Variants in TMEM196 observed in about 807,000 individuals in gnomAD.
The protein encoded by TMEM196 is transmembrane protein 196.
Under a neutral mutation model 20.0 loss-of-function variants are expected in TMEM196, and 17 were observed. The observed-to-expected ratio is 0.85, with a 90% CI of 0.58 to 1.27. TMEM196 has a LOEUF of 1.27. Ranked by LOEUF, TMEM196 falls within the 50% of genes most tolerant of loss-of-function variation. The probability of loss-of-function intolerance (pLI) is 0.00; values close to 1 mark genes in which losing one functional copy is unlikely to be tolerated. For missense variants in TMEM196, 267 were observed against 223.0 expected, an observed-to-expected ratio of 1.20 and a Z score of -1.26; for synonymous variants, 113 against 88.9, an observed-to-expected ratio of 1.27 and a Z score of -1.52.
In TMEM196 at chr7:19,736,773, A is replaced by G. The variant is rs139968775; in HGVS notation, c.148-7335T>C. Among the ~76,000 whole-genome samples, 319 of 152,092 alleles carry G rather than the reference A, an allele frequency of 2.1e-3. 2 individuals carry two copies. The highest frequency in any genetic ancestry group is 7.2e-3 in the African/African-American group (300 of 41,566). On this transcript the variant is annotated intron_variant, in intron 1 of 4. Transcript: ENST00000405844. Reference sequence around the variant, plus strand: ...TCTTCAAGGGAGAAACATGGAGTCAATGTTCAAAACATAAGGTCAAAGAGT... The same window carrying G: ...TCTTCAAGGGAGAAACATGGAGTCAGTGTTCAAAACATAAGGTCAAAGAGT...
intron 1 of TMEM196, among the ~76,000 whole-genome samples, chr7:19,744,418 C>G (rs1052497994): frequency 2.4e-4 from 36 of 152,196 alleles, no homozygotes; most frequent in African/African-American, 8.4e-4. Flanking sequence ...CTTAAAGAAG[C>G]AAAAAGATTA....
chr7:19,755,216 A>AT (rs1263797369), intron 1 of TMEM196, among the ~76,000 whole-genome samples: 1 of 152,198 alleles, frequency 6.6e-6, no homozygotes, highest in African/African-American at 2.4e-5. Flanking sequence ...TTTAATGCAT[A>AT]TTTTAACACT....
At chr7:19,743,017 C>T (rs1319875618) in intron 1 of TMEM196, among the ~76,000 whole-genome samples, 3 of 152,140 alleles carry the variant, frequency 2.0e-5, no homozygotes, top group Non-Finnish European at 4.4e-5. Flanking sequence ...TCTCCATTAG[C>T]TATGGGGAGA....
chr7:19,728,826 G>GA (rs1209822536), intron 2 of TMEM196, among the ~76,000 whole-genome samples: 1 of 152,138 alleles, frequency 6.6e-6, no homozygotes, highest in African/African-American at 2.4e-5. Flanking sequence ...CCATACCCCA[G>GA]AAACCCACTA....
At chr7:19,750,874 C>T (rs1419985286) in intron 1 of TMEM196, among the ~76,000 whole-genome samples, 1 of 152,010 alleles carries the variant, frequency 6.6e-6, no homozygotes, top group Non-Finnish European at 1.5e-5. Flanking sequence ...GTTGTAATTC[C>T]CCAACGCTAT....
intron 1 of TMEM196, among the ~76,000 whole-genome samples, chr7:19,771,564 T>C (rs1785883359): frequency 6.6e-6 from 1 of 152,234 alleles, no homozygotes; most frequent in Non-Finnish European, 1.5e-5. Flanking sequence ...TGCTACAGAT[T>C]ATCAGTGACA....
intron 1 of TMEM196, among the ~76,000 whole-genome samples, chr7:19,739,652 T>C (rs1257279846): frequency 6.6e-6 from 1 of 151,946 alleles, no homozygotes; most frequent in Non-Finnish European, 1.5e-5. Context: ...TAAAAACTAA[T>C]AAGGAAAAGA....
chr7:19,758,654 C>T (rs2128035845), intron 1 of TMEM196, among the ~76,000 whole-genome samples: 1 of 152,254 alleles, frequency 6.6e-6, no homozygotes, highest in African/African-American at 2.4e-5. Flanking sequence ...CATTGCATGA[C>T]TCAATTATAA....
At chr7:19,765,572 A>G (rs533680777) in intron 1 of TMEM196, among the ~76,000 whole-genome samples, 1 of 152,204 alleles carries the variant, frequency 6.6e-6, no homozygotes, top group Non-Finnish European at 1.5e-5. Context: ...ATGTTTTTTG[A>G]ATACTTTGTT....
At chr7:19,730,738 G>T (rs754106627) in intron 1 of TMEM196, among the ~76,000 whole-genome samples, 1 of 152,162 alleles carries the variant, frequency 6.6e-6, no homozygotes, top group Non-Finnish European at 1.5e-5. Flanking sequence ...AAGAAAATCT[G>T]TTAAAAAGCA....
chr7:19,723,949 A>G (rs1252937417), intron 4 of TMEM196, among the ~76,000 whole-genome samples: 2 of 152,122 alleles, frequency 1.3e-5, no homozygotes, highest in South Asian at 2.1e-4. Context: ...ATTATTAAAA[A>G]CAAAACTCTG....
At chr7:19,762,567 T>C (rs1390328056) in intron 1 of TMEM196, among the ~76,000 whole-genome samples, 1 of 152,202 alleles carries the variant, frequency 6.6e-6, no homozygotes, top group African/African-American at 2.4e-5. Flanking sequence ...ATTTACATCA[T>C]TTTGCTTATA....
At chr7:19,768,953 AT>A (rs1420635835) in intron 1 of TMEM196, among the ~76,000 whole-genome samples, 1 of 152,190 alleles carries the variant, frequency 6.6e-6, no homozygotes, top group Non-Finnish European at 1.5e-5. Flanking sequence ...AAAAATCAAA[AT>A]GCAGCAGTTG....
chr7:19,751,383 A>T (rs1476219994), intron 1 of TMEM196, among the ~76,000 whole-genome samples: 1 of 152,244 alleles, frequency 6.6e-6, no homozygotes, highest in Non-Finnish European at 1.5e-5. Context: ...TGCTCTTTAG[A>T]ACCAAGGCTT....
At chr7:19,746,090 G>A (rs1784741242) in intron 1 of TMEM196, among the ~76,000 whole-genome samples, 1 of 152,068 alleles carries the variant, frequency 6.6e-6, no homozygotes, top group Non-Finnish European at 1.5e-5. Context: ...ACCTACCTGG[G>A]AAATTGGGGT....
At chr7:19,729,275 C>CCAA in intron 2 of TMEM196, 107 bp downstream of exon 2, 1 of 708,816 alleles carries the variant, frequency 1.4e-6, no homozygotes, top group Non-Finnish European at 1.9e-6. Flanking sequence ...TTTTTTGCCT[C>CCAA]AAACTAGCAA....
At chr7:19,742,604 C>T (rs1056723244) in intron 1 of TMEM196, among the ~76,000 whole-genome samples, 4 of 152,144 alleles carry the variant, frequency 2.6e-5, no homozygotes, top group African/African-American at 7.2e-5. Context: ...GGGAATGAGG[C>T]AGTGTATAAA....
chr7:19,732,985 A>G (rs779895511), intron 1 of TMEM196, among the ~76,000 whole-genome samples: 22 of 152,228 alleles, frequency 1.4e-4, no homozygotes, highest in Non-Finnish European at 3.1e-4. Context: ...TAAAGCCTGA[A>G]CCATGAGAAA....
At chr7:19,726,932 T>A (rs1158330762) in intron 2 of TMEM196, among the ~76,000 whole-genome samples, 1 of 152,124 alleles carries the variant, frequency 6.6e-6, no homozygotes. Flanking sequence ...TCAGTGACAT[T>A]TTTCATTTCC....
Sources: gnomAD v4.1 joint callset for allele counts (sites outside exome capture counted in the v4.1 genomes callset) on GRCh38, gnomAD v4.1.1 for gene constraint, MANE v1.5 for transcripts, NCBI Gene and HGNC (gene_info 2026-07-23, HGNC 2026-07-21) for gene names.